Variants in REC114 observed in about 807,000 individuals in gnomAD.
The protein encoded by REC114 is meiotic recombination protein REC114.
Under a neutral mutation model 31.3 loss-of-function variants are expected in REC114, and 27 were observed. The ratio of observed to expected loss-of-function variants is 0.86; its 90% CI spans 0.64 to 1.19. The LOEUF (loss-of-function observed/expected upper bound fraction) is 1.19, where lower values mean the gene tolerates loss of function less well. Among genes scored for constraint, REC114 ranks in the 50% most tolerant of loss-of-function variants. REC114 has a pLI of 0.00. For synonymous variants in REC114, 134 were observed against 127.7 expected, an observed-to-expected ratio of 1.05 and a Z score of -0.33; for missense variants, 344 against 326.9, an observed-to-expected ratio of 1.05 and a Z score of -0.40.
intron 2 of REC114, among the ~76,000 whole-genome samples, chr15:73,495,011 C>A (rs1318412286): frequency 6.6e-6 from 1 of 152,156 alleles, no homozygotes; most frequent in Non-Finnish European, 1.5e-5. Flanking sequence ...GTCTCTCTTT[C>A]ATTAGGGACT....
At chr15:73,502,094 G>T (rs544956791) in intron 2 of REC114, among the ~76,000 whole-genome samples, 54 of 151,730 alleles carry the variant, frequency 3.6e-4, no homozygotes, top group East Asian at 9.7e-4. Context: ...GTTGGAGGCT[G>T]CAGTGAGCTA....
rs181089704 is a variant in REC114 at position 73,549,605 on chromosome 15, C to T, written c.334-1333C>T. 9.2e-5 allele frequency among the ~76,000 whole-genome samples: 14 copies of T among 152,188 alleles called. No homozygotes were observed. In the East Asian group the frequency reaches 2.3e-3, roughly 25 times the overall value. ...CATGTACCTCATAAATATATACACA[C>T]CTATGTACCTAAAATTTTAGAAATT... is the stretch of plus-strand genomic sequence containing the variant. On this transcript the variant is annotated intron_variant, in intron 3 of 5. Transcript: ENST00000331090.
At chr15:73,552,184 A>C (rs567745090) in intron 4 of REC114, among the ~76,000 whole-genome samples, 1 of 152,232 alleles carries the variant, frequency 6.6e-6, no homozygotes, top group South Asian at 2.1e-4. Flanking sequence ...TAAGCAACTC[A>C]CTCGTTGAGT....
chr15:73,474,335 C>CT (rs1224259538), intron 2 of REC114, among the ~76,000 whole-genome samples: 3 of 152,126 alleles, frequency 2.0e-5, no homozygotes, highest in African/African-American at 4.8e-5. Flanking sequence ...CTATAAAACT[C>CT]TAATTTTATG....
intron 2 of REC114, among the ~76,000 whole-genome samples, chr15:73,523,222 T>G (rs537751942): frequency 6.6e-6 from 1 of 152,182 alleles, no homozygotes; most frequent in African/African-American, 2.4e-5. Context: ...GGAGTTTAAT[T>G]GAGCAATGAA....
intron 2 of REC114, among the ~76,000 whole-genome samples, chr15:73,478,383 T>G (rs571352289): frequency 1.3e-5 from 2 of 152,090 alleles, no homozygotes; most frequent in Non-Finnish European, 2.9e-5. Flanking sequence ...TGGGTATCAT[T>G]GTTTAAAATT....
At chr15:73,510,293 G>A (rs1893744188) in intron 2 of REC114, among the ~76,000 whole-genome samples, 3 of 152,164 alleles carry the variant, frequency 2.0e-5, no homozygotes, top group Admixed American at 1.3e-4. Context: ...CACTGATTTT[G>A]TATCCTGAGA....
At chr15:73,494,825 C>T (rs116648165) in intron 2 of REC114, among the ~76,000 whole-genome samples, 1,741 of 152,268 alleles carry the variant, frequency 0.011, 30 homozygotes, top group African/African-American at 0.04. Flanking sequence ...GATCTTTGAC[C>T]TAAGCCTTGT....
chr15:73,483,926 C>T (rs1893330496), intron 2 of REC114: 1 of 152,338 alleles, frequency 6.6e-6, no homozygotes. Context: ...ACTCGGCACT[C>T]TCTATGTGGC....
intron 4 of REC114, among the ~76,000 whole-genome samples, chr15:73,555,500 G>T (rs1272984075): frequency 6.6e-6 from 1 of 152,062 alleles, no homozygotes; most frequent in Non-Finnish European, 1.5e-5. Context: ...AGATAGCATG[G>T]ACCTTAGAGC....
chr15:73,443,207 C>T lies in REC114; in HGVS notation c.22C>T (p.Pro8Ser), dbSNP rs1478091242. 6.4e-7 allele frequency: 1 copy of T among 1,573,162 alleles called. No individual in the cohort carries two copies. The highest frequency in any genetic ancestry group is 1.2e-5 in the South Asian group (1 of 85,358). Residue 8 changes from proline (P) to serine (S), a missense_variant, in exon 1 of 6, where the codon CCC becomes TCC. Transcript: ENST00000331090. MAEAGKV[P>S]LSLGLTGGEA... ...GGACATGGCGGAGGCAGGAAAAGTG[C>T]CCTTGAGCCTCGGGCTTACCGGAGG...
rs34642401 is a variant in REC114, at chr15:73,538,455, C to CTTTTTTT, written c.250-2017_250-2011dup. On this transcript the variant is annotated intron_variant, in intron 2 of 5. Coordinates refer to ENST00000331090, the MANE Select transcript of REC114 (RefSeq NM_001042367.2). ...TACATATGTGGCTCAAATTCTATTT[C>CTTTTTTT]TTTTTTTTTTTTTTTTTTTGAGACA... Among the ~76,000 whole-genome samples the CTTTTTTT allele has an allele frequency of 5.1e-4, 63 of 124,030 alleles. 1 individual carries two copies. The highest frequency in any genetic ancestry group is 7.8e-4 in the Non-Finnish European group (48 of 61,200). The allele number at this position is 124,030 out of a possible 152,430, so 81.4% of individuals were successfully genotyped here.
At chr15:73,509,194 A>G (rs1893727328) in intron 2 of REC114, among the ~76,000 whole-genome samples, 1 of 152,046 alleles carries the variant, frequency 6.6e-6, no homozygotes, top group African/African-American at 2.4e-5. Context: ...TCTGATGGCC[A>G]GTGATGATGA....
chr15:73,529,736 T>G (rs1566946100), intron 2 of REC114, among the ~76,000 whole-genome samples: 1 of 152,186 alleles, frequency 6.6e-6, no homozygotes, highest in African/African-American at 2.4e-5. Flanking sequence ...ATTGAATGCC[T>G]CTTTTCTGTG....
chr15:73,531,614 T>A (rs892712542), intron 2 of REC114, among the ~76,000 whole-genome samples: 10 of 152,152 alleles, frequency 6.6e-5, no homozygotes, highest in Non-Finnish European at 1.3e-4. Context: ...AATGGGGGTG[T>A]CAACCATGTG....
chr15:73,485,157 C>T (rs1036436427), intron 2 of REC114, among the ~76,000 whole-genome samples: 2 of 152,178 alleles, frequency 1.3e-5, no homozygotes, highest in Non-Finnish European at 1.5e-5. Context: ...GATCCCTGCT[C>T]ACTGCAACCT....
intron 3 of REC114, among the ~76,000 whole-genome samples, chr15:73,547,856 A>ACAGG (rs1166737962): frequency 6.6e-6 from 1 of 152,250 alleles, no homozygotes; most frequent in African/African-American, 2.4e-5. Context: ...CATCCAGGAC[A>ACAGG]CAGGCACAGG....
At chr15:73,481,567 C>G (rs1893294250) in intron 2 of REC114, among the ~76,000 whole-genome samples, 1 of 151,672 alleles carries the variant, frequency 6.6e-6, no homozygotes, top group Non-Finnish European at 1.5e-5. Context: ...AACAGATTCT[C>G]CCTTGGCCGT....
intron 2 of REC114, among the ~76,000 whole-genome samples, chr15:73,507,237 A>G (rs1893691607): frequency 6.6e-6 from 1 of 152,270 alleles, no homozygotes. Flanking sequence ...ATAAAAATAT[A>G]TCACATATAC....
Sources: gnomAD v4.1 joint callset for allele counts (sites outside exome capture counted in the v4.1 genomes callset) on GRCh38, gnomAD v4.1.1 for gene constraint, MANE v1.5 for transcripts, NCBI Gene and HGNC (gene_info 2026-07-23, HGNC 2026-07-21) for gene names.